The following ANO6 variants were observed in gnomAD, a reference collection of about 807,000 sequenced individuals.
ANO6 encodes anoctamin 6.
Under a neutral mutation model 117.5 loss-of-function variants are expected in ANO6, and 106 were observed. The observed-to-expected ratio is 0.90, with a 90% CI of 0.77 to 1.06. The LOEUF (loss-of-function observed/expected upper bound fraction) is 1.06, where lower values mean the gene tolerates loss of function less well. Ranked by LOEUF, ANO6 falls within the 50% of genes least tolerant of loss-of-function variation. The probability of loss-of-function intolerance (pLI) is 0.00; values close to 1 mark genes in which losing one functional copy is unlikely to be tolerated. For synonymous variants in ANO6, 367 were observed against 385.1 expected, an observed-to-expected ratio of 0.95 and a Z score of 0.55; for missense variants, 955 against 1,121.1, an observed-to-expected ratio of 0.85 and a Z score of 2.12.
intron 1 of ANO6, among the ~76,000 whole-genome samples, chr12:45,288,447 T>C (rs1229754445): frequency 2.0e-5 from 3 of 152,232 alleles, no homozygotes; most frequent in East Asian, 3.8e-4. Context: ...TCTGTCTCTG[T>C]GAATATGACT....
chr12:45,324,421 G>A (rs778224497), intron 2 of ANO6, among the ~76,000 whole-genome samples: 36 of 152,238 alleles, frequency 2.4e-4, no homozygotes, highest in Middle Eastern at 3.4e-3. Context: ...TTGCTTTGCT[G>A]GGCACTAGGT....
chr12:45,430,701 G>T lies in ANO6; in HGVS notation c.*1390G>T. 9.1e-6 allele frequency: 9 copies of T among 985,458 alleles called. No homozygotes were observed. Among genetic ancestry groups the T allele is most frequent in the South Asian group, 4.7e-5 (1 of 21,290 alleles). 61.0% of individuals were successfully genotyped at this position (985,458 alleles called of 1,614,324 possible). On this transcript the variant is annotated 3_prime_UTR_variant, in exon 20 of 20. Coordinates refer to ENST00000320560, the MANE Select transcript of ANO6 (RefSeq NM_001025356.3). ...CATTATCTGGAGATTACTTCCTGCT[G>T]CACTCCTGTCTTGCCATGCACGTCT...
chr12:45,221,877 CTTT>C (rs71093866), intron 1 of ANO6, among the ~76,000 whole-genome samples: 1,732 of 124,726 alleles, frequency 0.014, 29 homozygotes, highest in African/African-American at 0.047. Flanking sequence ...TCCCCGACTC[CTTT>C]TTTTTTTTTT....
chr12:45,388,926 A>C (rs1004389905), intron 11 of ANO6, among the ~76,000 whole-genome samples: 3 of 152,214 alleles, frequency 2.0e-5, no homozygotes, highest in Admixed American at 2.0e-4. Flanking sequence ...ATAAAAAACT[A>C]TATTCTGTCT....
chr12:45,398,954 G>C (rs767729952), intron 12 of ANO6, among the ~76,000 whole-genome samples: 2 of 152,014 alleles, frequency 1.3e-5, no homozygotes, highest in African/African-American at 2.4e-5. Context: ...GGGGGAGGTG[G>C]GATTTATTCT....
At position 45,367,794 on chromosome 12, in the gene ANO6, G is replaced by T; in HGVS notation, c.1104+1G>T. ...CAATATTACTTGCGAGTCCTCAAAG[G>T]TAATTTTTGCTATTGCCAATATTTA... is the stretch of plus-strand genomic sequence containing the variant. On this transcript the variant is annotated splice_donor_variant, in intron 9 of 19. Transcript: ENST00000320560. LOFTEE classifies it high-confidence loss of function. 1.2e-6 allele frequency: 2 copies of T among 1,611,548 alleles called. No individual in the cohort carries two copies. The highest frequency in any genetic ancestry group is 4.5e-5 in the East Asian group (2 of 44,760).
intron 9 of ANO6, among the ~76,000 whole-genome samples, chr12:45,377,387 A>G (rs1942056776): frequency 1.3e-5 from 2 of 152,212 alleles, no homozygotes; most frequent in African/African-American, 2.4e-5. Flanking sequence ...TAGTAAATAA[A>G]GCCTTATTTG....
rs371269172 is a variant in ANO6 at position 45,403,537 on chromosome 12, G to C, written c.1880+1G>C. ...ATAACATACAAGAAGTATTATTGCC[G>C]TGAGTGTTAAATTGTATAGCCATGG... On this transcript the variant is annotated splice_donor_variant, in intron 15 of 19. Transcript: ENST00000320560. LOFTEE classifies it high-confidence loss of function. 1.9e-6 allele frequency: 3 copies of C among 1,606,920 alleles called. No homozygotes were observed. The highest frequency in any genetic ancestry group is 1.1e-5 in the South Asian group (1 of 90,926).
chr12:45,403,500 A>G lies in ANO6; in HGVS notation c.1844A>G (p.Lys615Arg). The change falls in exon 15 of 20, where the codon AAA (lysine) becomes AGA (arginine). Residue 615 changes from lysine to arginine, a missense_variant. Lys to Arg is a conservative substitution (Grantham distance 26). Transcript: ENST00000320560. Reference protein sequence around the residue: ...TTQLTIIMGGKAIWNNIQEVL... With the variant: ...TTQLTIIMGGRAIWNNIQEVL... ...CAGCTGACAATAATCATGGGAGGAA[A>G]AGCAATCTGGAATAACATACAAGAA... 6.2e-7 allele frequency: 1 copy of G among 1,613,840 alleles called. No homozygotes were observed. The highest frequency in any genetic ancestry group is 8.5e-7 in the Non-Finnish European group (1 of 1,179,746).
At chr12:45,318,901 C>G (rs551762497) in intron 2 of ANO6, among the ~76,000 whole-genome samples, 27 of 152,136 alleles carry the variant, frequency 1.8e-4, no homozygotes, top group Non-Finnish European at 2.6e-4. Flanking sequence ...GGAGTTCACT[C>G]ATGATTTGGC....
chr12:45,399,050 G>A (rs12829496), intron 12 of ANO6, among the ~76,000 whole-genome samples: 22,570 of 152,058 alleles, frequency 0.15, 2,322 homozygotes, highest in East Asian at 0.46. Context: ...ACCAGATATT[G>A]TCAAGGGCTG....
chr12:45,421,387 A>G (rs975651264), intron 18 of ANO6, 114 bp downstream of exon 18: 2 of 1,085,890 alleles, frequency 1.8e-6, no homozygotes, highest in Non-Finnish European at 2.7e-6. Flanking sequence ...TAACTTCAGG[A>G]TCAATCAGGT....
chr12:45,300,261 G>T (rs1307483780), intron 1 of ANO6, among the ~76,000 whole-genome samples: 1 of 152,152 alleles, frequency 6.6e-6, no homozygotes, highest in Non-Finnish European at 1.5e-5. Context: ...AGTCACTGTA[G>T]CCTCAACCTC....
chr12:45,358,547 T>A (rs1405557010), intron 8 of ANO6, among the ~76,000 whole-genome samples: 2 of 152,196 alleles, frequency 1.3e-5, no homozygotes, highest in Non-Finnish European at 2.9e-5. Flanking sequence ...TGGGTTGTTC[T>A]TGTTATAACT....
chr12:45,414,250 G>C (rs1943158264), intron 16 of ANO6, among the ~76,000 whole-genome samples: 1 of 151,992 alleles, frequency 6.6e-6, no homozygotes, highest in Admixed American at 6.6e-5. Flanking sequence ...AAAAGTTGCA[G>C]GCAAGGGTTG....
chr12:45,348,085 A>C lies in ANO6; in HGVS notation c.403A>C (p.Thr135Pro). 1 of 1,614,006 alleles carries C rather than the reference A, an allele frequency of 6.2e-7. No individual in the cohort carries two copies. The highest frequency in any genetic ancestry group is 8.5e-7 in the Non-Finnish European group (1 of 1,179,928). ...ACACGCACCATGGGAGGTGTTATGT[A>C]CGTATGCTGAGATAATGCACATCAA... ...KVHAPWEVLC[T>P]YAEIMHIKLP... The change falls in exon 5 of 20, where the codon ACG becomes CCG. Residue 135 changes from threonine (T) to proline (P), a missense_variant. Physicochemically the swap from Thr to Pro is conservative, Grantham distance 38. Coordinates refer to ENST00000320560, the MANE Select transcript of ANO6 (RefSeq NM_001025356.3).
chr12:45,327,380 C>A (rs73101642), intron 2 of ANO6, among the ~76,000 whole-genome samples: 18 of 152,264 alleles, frequency 1.2e-4, no homozygotes, highest in Non-Finnish European at 2.5e-4. Flanking sequence ...AGTTTAGCAA[C>A]CAGTGTATCA....
chr12:45,271,605 A>T (rs932414925), intron 1 of ANO6, among the ~76,000 whole-genome samples: 4 of 152,160 alleles, frequency 2.6e-5, no homozygotes, highest in African/African-American at 9.7e-5. Context: ...TGTACTTAGG[A>T]TCATCCTTGG....
chr12:45,310,114 A>C (rs1015836616), intron 2 of ANO6, among the ~76,000 whole-genome samples: 2 of 152,120 alleles, frequency 1.3e-5, no homozygotes, highest in African/African-American at 4.8e-5. Flanking sequence ...TATGTGGCTG[A>C]GTCAAAAGCT....
Sources: allele counts gnomAD v4.1 joint callset (sites outside exome capture counted in the v4.1 genomes callset), GRCh38; gene constraint gnomAD v4.1.1; transcripts MANE v1.5; gene names NCBI Gene and HGNC (gene_info 2026-07-23, HGNC 2026-07-21).